The following IPO11 variants were observed in gnomAD, a reference collection of about 807,000 sequenced individuals.
The protein encoded by IPO11 is importin-11.
IPO11 carries 66 observed loss-of-function variants against 143.2 expected under a neutral mutation model. The observed-to-expected ratio is 0.46, with a 90% CI of 0.38 to 0.57. IPO11 has a LOEUF of 0.57. Among genes scored for constraint, IPO11 ranks in the 20% least tolerant of loss-of-function variants. The pLI is 0.00. For synonymous variants in IPO11, 385 were observed against 377.8 expected (o/e 1.02, Z -0.22); for missense variants, 1,026 against 1,141.0 (o/e 0.90, Z 1.45).
At chr5:62,550,847 G>C (rs1478711646) in intron 25 of IPO11, among the ~76,000 whole-genome samples, 3 of 151,660 alleles carry the variant, frequency 2.0e-5, no homozygotes, top group Non-Finnish European at 2.9e-5. Context: ...CCATGGACCT[G>C]TGTATGTTAT....
At chr5:62,616,499 C>T in intron 29 of IPO11, among the ~76,000 whole-genome samples, 1 of 151,950 alleles carries the variant, frequency 6.6e-6, no homozygotes, top group African/African-American at 2.4e-5. Flanking sequence ...TTTGGGAGGT[C>T]GAGGCGGGTG....
At chr5:62,538,887 T>C (rs1444864210) in intron 24 of IPO11, among the ~76,000 whole-genome samples, 4 of 152,322 alleles carry the variant, frequency 2.6e-5, no homozygotes, top group African/African-American at 9.6e-5. Context: ...GCGAATATAG[T>C]GTTAAGTACT....
At position 62,579,991 on chromosome 5, in the gene IPO11, C is replaced by T. The variant is rs762249819; in HGVS notation, c.2583-11586C>T. 9 of 1,551,108 alleles carry T rather than the reference C, an allele frequency of 5.8e-6. No homozygotes were observed. The African/African-American group carries it at 6.9e-5, about 12-fold the overall frequency. On this transcript the variant is annotated intron_variant, in intron 27 of 29. Coordinates refer to ENST00000325324, the MANE Select transcript of IPO11 (RefSeq NM_016338.5). ...TGTTGGTATGGTTGCTCTTCGGATA[C>T]TTGATTTATCAAACAATAACATTTT... is the stretch of plus-strand genomic sequence containing the variant.
intron 29 of IPO11, among the ~76,000 whole-genome samples, chr5:62,615,762 A>G (rs1398438021): frequency 6.6e-6 from 1 of 152,190 alleles, no homozygotes; most frequent in African/African-American, 2.4e-5. Context: ...CAAAAAGTGG[A>G]TTGGTTAACA....
chr5:62,574,476 A>G (rs771263893), intron 27 of IPO11, among the ~76,000 whole-genome samples: 3 of 152,186 alleles, frequency 2.0e-5, no homozygotes, highest in Non-Finnish European at 2.9e-5. Flanking sequence ...GCTGAGTGAG[A>G]TTAGTCTATC....
At chr5:62,492,815 G>T (rs1006881056) in intron 15 of IPO11, among the ~76,000 whole-genome samples, 48 of 152,210 alleles carry the variant, frequency 3.2e-4, no homozygotes, top group African/African-American at 1.2e-3. Flanking sequence ...GGGATTACAG[G>T]TGTAAGCCAC....
At chr5:62,422,605 C>T (rs963976304) in intron 1 of IPO11, 1 of 152,120 alleles carries the variant, frequency 6.6e-6, no homozygotes, top group African/African-American at 2.4e-5. Flanking sequence ...TAATGTATAA[C>T]TTTTCTTATT....
At chr5:62,420,634 C>T (rs569696759) in intron 1 of IPO11, among the ~76,000 whole-genome samples, 3 of 150,784 alleles carry the variant, frequency 2.0e-5, no homozygotes, top group South Asian at 4.2e-4. Context: ...GGCTGGAGTG[C>T]AGTGGCACGA....
intron 26 of IPO11, among the ~76,000 whole-genome samples, chr5:62,559,916 CAAAAAAAAAAAAAA>C (rs759468696): frequency 5.9e-5 from 1 of 17,028 alleles, no homozygotes; most frequent in Non-Finnish European, 9.0e-5. Flanking sequence ...AACTCTGTCT[CAAAAAAAAAAAAAA>C]AAAAAAAAAA....
intron 8 of IPO11, among the ~76,000 whole-genome samples, chr5:62,475,510 A>G (rs973535813): frequency 6.6e-6 from 1 of 152,156 alleles, no homozygotes; most frequent in African/African-American, 2.4e-5. Context: ...ACCCCATCTC[A>G]AGAAAAAAAA....
At chr5:62,419,201 G>A in intron 1 of IPO11, 1 of 1,490,834 alleles carries the variant, frequency 6.7e-7, no homozygotes, top group South Asian at 1.3e-5. Context: ...AGTAAAAAAT[G>A]GTACATCTGT....
At chr5:62,431,518 A>C (rs542891254) in intron 1 of IPO11, among the ~76,000 whole-genome samples, 1 of 152,124 alleles carries the variant, frequency 6.6e-6, no homozygotes, top group East Asian at 1.9e-4. Context: ...TAATTTTAAA[A>C]CAAATCAGGC....
intron 8 of IPO11, among the ~76,000 whole-genome samples, chr5:62,474,787 A>G (rs1338075463): frequency 1.3e-5 from 2 of 152,176 alleles, no homozygotes; most frequent in African/African-American, 2.4e-5. Context: ...GAAACCACAG[A>G]TAGTACCAAA....
chr5:62,616,019 T>C (rs1311752458), intron 29 of IPO11, among the ~76,000 whole-genome samples: 1 of 122,592 alleles, frequency 8.2e-6, no homozygotes, highest in African/African-American at 3.2e-5. Flanking sequence ...ACATTTGTCA[T>C]GACAAGTCAT....
intron 28 of IPO11, among the ~76,000 whole-genome samples, chr5:62,592,806 C>G (rs1745074874): frequency 6.6e-6 from 1 of 152,042 alleles, no homozygotes; most frequent in Admixed American, 6.6e-5. Flanking sequence ...AGCTCACTCA[C>G]AAGCACGAGA....
chr5:62,598,754 A>G (rs908767378), intron 28 of IPO11, among the ~76,000 whole-genome samples: 2 of 151,406 alleles, frequency 1.3e-5, no homozygotes, highest in Non-Finnish European at 2.9e-5. Flanking sequence ...TATGTTGGCC[A>G]GGCTGGTCTT....
intron 24 of IPO11, among the ~76,000 whole-genome samples, chr5:62,540,543 T>C (rs190318039): frequency 2.0e-5 from 3 of 152,312 alleles, no homozygotes; most frequent in East Asian, 1.9e-4. Flanking sequence ...ATTCTACTTG[T>C]TTTTAATTAT....
chr5:62,436,345 C>T (rs184025435), intron 1 of IPO11, among the ~76,000 whole-genome samples: 129 of 152,292 alleles, frequency 8.5e-4, no homozygotes, highest in African/African-American at 2.9e-3. Flanking sequence ...CTGGAACATT[C>T]TTCGGTCACA....
chr5:62,626,804 A>G (rs1260803289), intron 29 of IPO11, among the ~76,000 whole-genome samples: 1 of 152,066 alleles, frequency 6.6e-6, no homozygotes, highest in East Asian at 1.9e-4. Context: ...CTATCTTCCT[A>G]AGGAGAATGC....
Sources: gnomAD v4.1 joint callset for allele counts (sites outside exome capture counted in the v4.1 genomes callset) on GRCh38, gnomAD v4.1.1 for gene constraint, MANE v1.5 for transcripts, NCBI Gene and HGNC (gene_info 2026-07-23, HGNC 2026-07-21) for gene names.